SAP18: variants seen among roughly 807,000 people sequenced by gnomAD.
SAP18 encodes Sin3A associated protein 18.
SAP18 carries 4 observed loss-of-function variants against 18.6 expected under a neutral mutation model. That is an observed-to-expected ratio of 0.21 (90% confidence interval 0.11 to 0.49). The LOEUF (loss-of-function observed/expected upper bound fraction) is 0.49. Ranked by LOEUF, SAP18 falls within the 20% of genes least tolerant of loss-of-function variation. The pLI is 0.98. For missense variants in SAP18, 170 were observed against 226.4 expected (o/e 0.75, Z 1.60); for synonymous variants, 112 against 82.8 (o/e 1.35, Z -1.92).
chr13:21,140,766 G>T, intron 1 of SAP18, 85 bp downstream of exon 1: 1 of 1,594,712 alleles, frequency 6.3e-7, no homozygotes, highest in Non-Finnish European at 8.6e-7. Flanking sequence ...TGTGCTGGAG[G>T]AGATGGTGTT....
chr13:21,145,990 A>G (rs899621157), intron 2 of SAP18, among the ~76,000 whole-genome samples: 4 of 152,204 alleles, frequency 2.6e-5, no homozygotes, highest in African/African-American at 9.7e-5. Flanking sequence ...ACTTTTGTAT[A>G]TTTCATTGGC....
chr13:21,142,297 T>C (rs1869497014), intron 2 of SAP18, among the ~76,000 whole-genome samples: 2 of 150,640 alleles, frequency 1.3e-5, no homozygotes, highest in African/African-American at 2.4e-5. Flanking sequence ...AAAATATATA[T>C]GTGTGTGCCT....
intron 2 of SAP18, among the ~76,000 whole-genome samples, chr13:21,144,625 C>G (rs1869584225): frequency 6.6e-6 from 1 of 152,042 alleles, no homozygotes; most frequent in South Asian, 2.1e-4. Flanking sequence ...TTAGTCACAT[C>G]TATAAAATAT....
At chr13:21,140,707 C>T (rs1869432011) in intron 1 of SAP18, 26 bp downstream of exon 1, 1 of 1,604,828 alleles carries the variant, frequency 6.2e-7, no homozygotes, top group African/African-American at 1.3e-5. Flanking sequence ...GCTTTGGGGT[C>T]CGGGAAGAGG....
intron 2 of SAP18, among the ~76,000 whole-genome samples, chr13:21,145,179 G>A (rs1023822836): frequency 6.0e-5 from 9 of 149,178 alleles, no homozygotes; most frequent in Non-Finnish European, 1.2e-4. Context: ...CGATTCTCCT[G>A]CCTCAGCCTC....
At chr13:21,145,387 G>A (rs1047492367) in intron 2 of SAP18, among the ~76,000 whole-genome samples, 12 of 152,118 alleles carry the variant, frequency 7.9e-5, no homozygotes, top group African/African-American at 2.4e-4. Context: ...AACCTAAAAC[G>A]CTTCTAGTCC....
intron 2 of SAP18, among the ~76,000 whole-genome samples, chr13:21,143,583 A>G (rs796098162): frequency 4.6e-5 from 7 of 152,320 alleles, no homozygotes; most frequent in African/African-American, 1.7e-4. Flanking sequence ...CCTATTTGCC[A>G]GGTGCTGTGT....
At chr13:21,143,032 T>G (rs1332712116) in intron 2 of SAP18, among the ~76,000 whole-genome samples, 1 of 152,264 alleles carries the variant, frequency 6.6e-6, no homozygotes, top group Non-Finnish European at 1.5e-5. Context: ...ATGGTGTTTT[T>G]AGGGTTAATG....
Position 21,141,012 on chromosome 13 carries a change from G to A in SAP18, c.239+17G>A. On this transcript the variant is annotated intron_variant, in intron 2 of 3. Coordinates refer to ENST00000621421, the Ensembl canonical transcript of SAP18. ...CTACACTTGGTGAGGAGGGCGGGGT[G>A]GCCTCAGGGACCCGGGCCGGGAACC... The A allele has an allele frequency of 6.5e-7, 1 of 1,545,060 alleles. No homozygotes were observed. The highest frequency in any genetic ancestry group is 8.9e-7 in the Non-Finnish European group (1 of 1,117,886).
At chr13:21,148,623 G>A (rs1332670931) in exon 4 of SAP18, 3 of 152,180 alleles carry the variant, frequency 2.0e-5, no homozygotes, top group Admixed American at 2.0e-4. Flanking sequence ...CTGGAGCCTA[G>A]ATCTGGTGCT....
At chr13:21,145,813 C>T (rs1362185503) in intron 2 of SAP18, among the ~76,000 whole-genome samples, 1 of 151,932 alleles carries the variant, frequency 6.6e-6, no homozygotes, top group East Asian at 1.9e-4. Context: ...GCCTCCGCAC[C>T]TGGCAAAAAA....
At chr13:21,147,558 A>T in exon 4 of SAP18, 2 of 536,340 alleles carry the variant, frequency 3.7e-6, no homozygotes, top group Admixed American at 3.5e-5. Context: ...AAGTGCTCTT[A>T]GCATTCTGTG....
At chr13:21,143,077 CAT>C (rs1869527192) in intron 2 of SAP18, among the ~76,000 whole-genome samples, 1 of 152,278 alleles carries the variant, frequency 6.6e-6, no homozygotes, top group South Asian at 2.1e-4. Flanking sequence ...AAGGCTGAAT[CAT>C]ATTTCATTGT....
At chr13:21,141,508 G>T in intron 2 of SAP18, 1 of 165,872 alleles carries the variant, frequency 6.0e-6, no homozygotes, top group Admixed American at 5.7e-5. Flanking sequence ...TTTGATATGT[G>T]TTTAGTGAAG....
intron 2 of SAP18, among the ~76,000 whole-genome samples, chr13:21,142,015 G>A (rs1239096526): frequency 2.7e-5 from 4 of 150,850 alleles, no homozygotes; most frequent in Admixed American, 2.0e-4. Flanking sequence ...AGCCAGGCAC[G>A]GTGGCTTATG....
chr13:21,147,187 G>C, exon 4 of SAP18: 1 of 1,612,576 alleles, frequency 6.2e-7, no homozygotes, highest in Non-Finnish European at 8.5e-7. Context: ...TTCTTACAGA[G>C]TTAAGGAGAT....
intron 2 of SAP18, among the ~76,000 whole-genome samples, chr13:21,144,910 A>T (rs1466343931): frequency 6.6e-6 from 1 of 152,204 alleles, no homozygotes; most frequent in Non-Finnish European, 1.5e-5. Context: ...TAGAAAGGAA[A>T]AAATTCTTTC....
At chr13:21,147,310 C>G (rs1869683092) in exon 4 of SAP18, 1 of 1,613,746 alleles carries the variant, frequency 6.2e-7, no homozygotes, top group East Asian at 2.2e-5. Flanking sequence ...AAATCGGGCA[C>G]CACCTCCTTC....
intron 2 of SAP18, chr13:21,141,223 A>G (rs1207730498): frequency 5.3e-6 from 3 of 566,246 alleles, no homozygotes; most frequent in Non-Finnish European, 9.5e-6. Flanking sequence ...GCGGTTAAGA[A>G]TGGACAGACC....
Sources: gnomAD v4.1 joint callset for allele counts (sites outside exome capture counted in the v4.1 genomes callset) on GRCh38, gnomAD v4.1.1 for gene constraint, MANE v1.5 for transcripts, NCBI Gene and HGNC (gene_info 2026-07-23, HGNC 2026-07-21) for gene names.